FLVCR2: variants seen among roughly 807,000 people sequenced by gnomAD.
FLVCR2 encodes the protein choline/ethanolamine transporter FLVCR2.
In FLVCR2, 38 loss-of-function variants were observed where a neutral mutation model predicts 48.9. The ratio of observed to expected loss-of-function variants is 0.78; its 90% confidence interval spans 0.60 to 1.02. The LOEUF (loss-of-function observed/expected upper bound fraction) is 1.02. Among genes scored for constraint, FLVCR2 ranks in the 50% least tolerant of loss-of-function variants. FLVCR2 has a pLI of 0.00. For synonymous variants in FLVCR2, 255 were observed against 257.0 expected, an observed-to-expected ratio of 0.99 and a Z score of 0.07; for missense variants, 664 against 663.3, an observed-to-expected ratio of 1.00 and a Z score of -0.01.
At chr14:75,595,704 TTTTG>T (rs760862942) in intron 1 of FLVCR2, 121 of 604,868 alleles carry the variant, frequency 2.0e-4, no homozygotes, top group East Asian at 5.5e-4. Flanking sequence ...ACTGTCTACT[TTTTG>T]TTTGTTTGTT....
chr14:75,642,611 A>C (rs953695411), intron 9 of FLVCR2, among the ~76,000 whole-genome samples: 1 of 152,204 alleles, frequency 6.6e-6, no homozygotes, highest in African/African-American at 2.4e-5. Context: ...AAAAAAACTT[A>C]TAGAGGTAAT....
chr14:75,605,704 C>A (rs1268750358), intron 1 of FLVCR2: 2 of 1,331,734 alleles, frequency 1.5e-6, no homozygotes, highest in East Asian at 2.5e-5. Context: ...GGAGTGTTTG[C>A]TTTGGCTCCC....
chr14:75,641,794 G>A (rs563327998), intron 8 of FLVCR2, 49 bp from the exon 9 acceptor site: 33 of 1,505,744 alleles, frequency 2.2e-5, no homozygotes, highest in Non-Finnish European at 2.9e-5. Flanking sequence ...TCGGATGAAC[G>A]TGATAACTGT....
intron 1 of FLVCR2, among the ~76,000 whole-genome samples, chr14:75,593,131 T>A (rs1374419368): frequency 6.6e-6 from 1 of 152,220 alleles, no homozygotes; most frequent in Non-Finnish European, 1.5e-5. Context: ...TAATGCCCTG[T>A]TCACAGCAAT....
intron 1 of FLVCR2, among the ~76,000 whole-genome samples, chr14:75,580,031 C>G (rs1888557299): frequency 6.6e-6 from 1 of 152,252 alleles, no homozygotes; most frequent in Non-Finnish European, 1.5e-5. Flanking sequence ...GTTGGACCAA[C>G]CAGCTTTCCT....
In FLVCR2 at chr14:75,579,751, G is replaced by C. The variant is rs1002020449; in HGVS notation, c.669+110G>C. The C allele has an allele frequency of 4.0e-6, 5 of 1,236,382 alleles. No homozygotes were observed. In the African/African-American group the frequency reaches 7.5e-5, roughly 19 times the overall value. The allele number at this position is 1,236,382 out of a possible 1,614,324, so 76.6% of individuals were successfully genotyped here. ...ATTGTCCAACAGTGTTTGTGACTCT[G>C]GGTGACAGTAACTGGGTGTGACAGG... is the stretch of plus-strand genomic sequence containing the variant. On this transcript the variant is annotated intron_variant, in intron 1 of 9. Coordinates refer to ENST00000238667, the MANE Select transcript of FLVCR2 (RefSeq NM_017791.3).
At chr14:75,602,888 T>A (rs1047105425) in intron 1 of FLVCR2, among the ~76,000 whole-genome samples, 2 of 152,202 alleles carry the variant, frequency 1.3e-5, no homozygotes, top group Admixed American at 6.5e-5. Context: ...TTTTGAGATG[T>A]TCCCTTCTAG....
chr14:75,586,446 C>T (rs573709395), intron 1 of FLVCR2, among the ~76,000 whole-genome samples: 112 of 152,208 alleles, frequency 7.4e-4, no homozygotes, highest in Non-Finnish European at 1.4e-3. Flanking sequence ...TGGATGTATA[C>T]GTGCAAGTCA....
chr14:75,586,075 T>TCA (rs1170834366), intron 1 of FLVCR2, among the ~76,000 whole-genome samples: 4 of 152,218 alleles, frequency 2.6e-5, no homozygotes, highest in Non-Finnish European at 5.9e-5. Context: ...ACTAAATGTC[T>TCA]CACGCATCCA....
chr14:75,592,228 G>C (rs952849089), intron 1 of FLVCR2, among the ~76,000 whole-genome samples: 6 of 152,036 alleles, frequency 3.9e-5, no homozygotes, highest in African/African-American at 1.4e-4. Context: ...GTACCATGTG[G>C]ACATGGATGC....
chr14:75,584,709 C>T (rs543004361), intron 1 of FLVCR2, among the ~76,000 whole-genome samples: 8 of 152,064 alleles, frequency 5.3e-5, no homozygotes, highest in Non-Finnish European at 7.4e-5. Flanking sequence ...CAGTTATCAG[C>T]GTGAGATTGG....
chr14:75,635,960 A>T (rs1041631044), intron 5 of FLVCR2, among the ~76,000 whole-genome samples: 3 of 152,226 alleles, frequency 2.0e-5, no homozygotes, highest in Non-Finnish European at 2.9e-5. Flanking sequence ...TCAGCAGAAG[A>T]ATCTGCATTT....
chr14:75,630,256 C>T (rs1188305336), intron 3 of FLVCR2, among the ~76,000 whole-genome samples: 1 of 152,168 alleles, frequency 6.6e-6, no homozygotes, highest in Non-Finnish European at 1.5e-5. Context: ...AGTTGAGAAC[C>T]TCTGAGGTAG....
Position 75,579,087 on chromosome 14 carries a change from G to A in FLVCR2, c.115G>A (p.Val39Ile), listed in dbSNP as rs1311312192. Residue 39 changes from valine to isoleucine, a missense_variant, in exon 1 of 10, where the codon GTC becomes ATC. Transcript: ENST00000238667. ...TCCCAGCGTCTCGGTCCATCCCAGC[G>A]TCTCCATCAACCCCAGCGTCTCTGT... is the stretch of plus-strand genomic sequence containing the variant. ...VHPSVSVHPS[V>I]SINPSVSVHP... is the part of the protein sequence containing the mutation. 6.2e-7 allele frequency: 1 copy of A among 1,613,874 alleles called. No homozygotes were observed. The highest frequency in any genetic ancestry group is 1.3e-5 in the African/African-American group (1 of 74,882).
At position 75,645,656 on chromosome 14, in the gene FLVCR2, G is replaced by A. The variant is rs182344488; in HGVS notation, c.1510-745G>A. Among the ~76,000 whole-genome samples the A allele has an allele frequency of 1.1e-4, 16 of 152,250 alleles. No homozygotes were observed. In the East Asian group the frequency reaches 1.2e-3, roughly 11 times the overall value. On this transcript the variant is annotated intron_variant, in intron 9 of 9. Transcript: ENST00000238667. Reference sequence around the variant, plus strand: ...TCCTCAGCTGGGCGCGGTGGGTCACGCCTGTAATCCCAGCACTTTGGGAGG... The same window carrying A: ...TCCTCAGCTGGGCGCGGTGGGTCACACCTGTAATCCCAGCACTTTGGGAGG...
intron 1 of FLVCR2, among the ~76,000 whole-genome samples, chr14:75,591,806 CTT>C (rs1163085989): frequency 1.1e-3 from 116 of 109,314 alleles, no homozygotes; most frequent in African/African-American, 3.6e-3. Context: ...CTCTTCATTC[CTT>C]TTTTTTTTTT....
At chr14:75,583,757 C>T (rs954746679) in intron 1 of FLVCR2, among the ~76,000 whole-genome samples, 1 of 152,096 alleles carries the variant, frequency 6.6e-6, no homozygotes, top group Non-Finnish European at 1.5e-5. Context: ...GAAGCCTGGC[C>T]GTCAATACCC....
At chr14:75,612,778 G>A (rs1438980092) in intron 1 of FLVCR2, among the ~76,000 whole-genome samples, 4 of 152,080 alleles carry the variant, frequency 2.6e-5, no homozygotes, top group Admixed American at 6.5e-5. Flanking sequence ...TGGGGCATCC[G>A]CAGACTCAGT....
At chr14:75,629,674 A>G (rs1041107482) in intron 3 of FLVCR2, among the ~76,000 whole-genome samples, 10 of 152,150 alleles carry the variant, frequency 6.6e-5, no homozygotes, top group African/African-American at 2.4e-4. Flanking sequence ...GGCCTCCTCT[A>G]ATGTCTTATT....
Sources: gnomAD v4.1 joint callset for allele counts (sites outside exome capture counted in the v4.1 genomes callset) on GRCh38, gnomAD v4.1.1 for gene constraint, MANE v1.5 for transcripts, NCBI Gene and HGNC (gene_info 2026-07-23, HGNC 2026-07-21) for gene names.